FAAH2: variants seen among roughly 807,000 people sequenced by gnomAD.
The protein encoded by FAAH2 is fatty acid amide hydrolase 2.
FAAH2 carries 60 observed loss-of-function variants against 36.9 expected under a neutral mutation model. The observed-to-expected ratio is 1.63, with a 90% CI of 1.32 to 2.02. The LOEUF (loss-of-function observed/expected upper bound fraction) is 2.02. Among genes scored for constraint, FAAH2 ranks in the 30% most tolerant of loss-of-function variants. The pLI is 0.00. For synonymous variants in FAAH2, 214 were observed against 143.8 expected (o/e 1.49, Z -3.49); for missense variants, 689 against 397.5 (o/e 1.73, Z -6.23).
At chrX:57,193,998 T>A in the FAAH2 span, among the ~76,000 whole-genome samples, 1 of 111,853 alleles carries the variant, frequency 8.9e-6, no homozygotes, top group Non-Finnish European at 1.9e-5. Context: ...TTTTTAAATG[T>A]GTCTTTGTCT....
At position 57,349,129 on chromosome X, in the gene FAAH2, A is replaced by C. The variant is rs186165827; in HGVS notation, c.742+7739A>C. Reference sequence around the variant, plus strand: ...ATGTATATGTGTATAATATATACACATATATATATTATATACATATATATG... The same window carrying C: ...ATGTATATGTGTATAATATATACACCTATATATATTATATACATATATATG... On this transcript the variant is annotated intron_variant, in intron 5 of 10. Transcript: ENST00000374900. Among the ~76,000 whole-genome samples, 366 of 91,659 alleles carry C rather than the reference A, an allele frequency of 4.0e-3. 2 individuals are homozygous for C. The highest frequency in any genetic ancestry group is 0.013 in the African/African-American group (355 of 26,690). 79.6% of individuals were successfully genotyped at this position (91,659 alleles called of 115,157 possible). A position where few individuals can be genotyped will look rare whatever the true frequency, so the allele number is the denominator to read the frequency against.
At chrX:57,468,080 C>T (rs1447977792) in intron 10 of FAAH2, among the ~76,000 whole-genome samples, 1 of 111,745 alleles carries the variant, frequency 8.9e-6, no homozygotes, top group Non-Finnish European at 1.9e-5. Context: ...AGGACATCCA[C>T]ACCAAAAATC....
chrX:57,255,147 C>A, the FAAH2 span, among the ~76,000 whole-genome samples: 5 of 111,939 alleles, frequency 4.5e-5, no homozygotes, highest in Admixed American at 4.7e-4. Context: ...ACTATAAGCT[C>A]CTCTAAACAA....
chrX:57,244,943 TAA>T, the FAAH2 span, among the ~76,000 whole-genome samples: 1 of 111,249 alleles, frequency 9.0e-6, no homozygotes, highest in Non-Finnish European at 1.9e-5. Flanking sequence ...GCAAATTGGA[TAA>T]AGAGTCAAAA....
chrX:57,193,798 C>T, the FAAH2 span, among the ~76,000 whole-genome samples: 1 of 111,598 alleles, frequency 9.0e-6, no homozygotes, highest in Non-Finnish European at 1.9e-5. Flanking sequence ...AGTTTTTAAC[C>T]CTTAATTCTG....
chrX:57,303,194 G>A (rs2052428038), intron 2 of FAAH2, among the ~76,000 whole-genome samples: 1 of 111,987 alleles, frequency 8.9e-6, no homozygotes, highest in South Asian at 3.8e-4. Flanking sequence ...TGGGAGACAA[G>A]TGTTTCAGGA....
chrX:57,281,696 T>G, the FAAH2 span, among the ~76,000 whole-genome samples: 1 of 111,702 alleles, frequency 9.0e-6, no homozygotes, highest in Non-Finnish European at 1.9e-5. Flanking sequence ...AGTCAGGTAA[T>G]TTTTTGGTCC....
chrX:57,235,397 A>G, the FAAH2 span, among the ~76,000 whole-genome samples: 11 of 111,584 alleles, frequency 9.9e-5, no homozygotes, highest in African/African-American at 2.3e-4. Flanking sequence ...ATAATTTGGT[A>G]TCTTGTTGCT....
At chrX:57,380,843 T>C in intron 6 of FAAH2, 69 bp from the exon 7 acceptor site, 1 of 641,218 alleles carries the variant, frequency 1.6e-6, no homozygotes, top group East Asian at 3.5e-5. Context: ...GAAGCTCAGA[T>C]GTCAGGATTG....
At chrX:57,185,353 C>A in the FAAH2 span, among the ~76,000 whole-genome samples, 1 of 111,106 alleles carries the variant, frequency 9.0e-6, no homozygotes, top group South Asian at 3.8e-4. Context: ...CTTTCTGTGC[C>A]TGGTTTACTT....
chrX:57,194,176 C>G, the FAAH2 span, among the ~76,000 whole-genome samples: 1 of 111,225 alleles, frequency 9.0e-6, no homozygotes, highest in African/African-American at 3.3e-5. Context: ...TACTAGGGGA[C>G]TTTTTATTAA....
intron 5 of FAAH2, among the ~76,000 whole-genome samples, chrX:57,349,348 C>T (rs1398758732): frequency 4.2e-5 from 4 of 95,669 alleles, no homozygotes; most frequent in Non-Finnish European, 8.1e-5. Flanking sequence ...ATGTTTTATA[C>T]ACATATATAT....
the FAAH2 span, among the ~76,000 whole-genome samples, chrX:57,266,641 C>A: frequency 3.6e-5 from 4 of 112,488 alleles, no homozygotes; most frequent in African/African-American, 1.3e-4. Context: ...CTGTCTATCC[C>A]CATGGGTTCC....
At chrX:57,303,142 T>G (rs1332708219) in intron 2 of FAAH2, among the ~76,000 whole-genome samples, 1 of 111,702 alleles carries the variant, frequency 9.0e-6, no homozygotes, top group Non-Finnish European at 1.9e-5. Flanking sequence ...AGAACAGGAC[T>G]GGGAAGCCTG....
chrX:57,222,121 A>G, the FAAH2 span, among the ~76,000 whole-genome samples: 1 of 111,390 alleles, frequency 9.0e-6, no homozygotes, highest in African/African-American at 3.3e-5. Flanking sequence ...ACAACCGACC[A>G]CATATCCCTC....
chrX:57,448,645 A>G lies in FAAH2; in HGVS notation c.1350A>G (p.Leu450=). 8.3e-7 allele frequency: 1 copy of G among 1,211,502 alleles called. No individual in the cohort carries two copies. The highest frequency in any genetic ancestry group is 1.8e-5 in the South Asian group (1 of 56,964). ...VDMLGDDGVF[L]YPSHPTVAPK... The stretch of plus-strand genomic sequence containing the variant: ...TGCTAGGTGATGATGGTGTGTTCTT[A>G]TATCCCTCACATCCCACAGTGGCAC... The change falls in exon 10 of 11, where the codon TTA becomes TTG. Residue 450 remains leucine (L), a synonymous_variant. Coordinates refer to ENST00000374900, the MANE Select transcript of FAAH2 (RefSeq NM_174912.4).
At chrX:57,467,308 C>G (rs1358871607) in intron 10 of FAAH2, among the ~76,000 whole-genome samples, 2 of 111,035 alleles carry the variant, frequency 1.8e-5, no homozygotes, top group African/African-American at 3.3e-5. Context: ...AAGGCATCGC[C>G]TCTCCCAGGA....
chrX:57,403,603 G>A (rs762500651), intron 7 of FAAH2, among the ~76,000 whole-genome samples: 4 of 112,880 alleles, frequency 3.5e-5, no homozygotes, highest in Non-Finnish European at 3.7e-5. Context: ...GATTGAGATA[G>A]AGTTTTTTGA....
intron 2 of FAAH2, among the ~76,000 whole-genome samples, chrX:57,303,306 G>T (rs1349344454): frequency 9.0e-6 from 1 of 111,622 alleles, no homozygotes; most frequent in Non-Finnish European, 1.9e-5. Flanking sequence ...TCTTCTCATT[G>T]TTTTTCTGAT....
Sources: allele counts gnomAD v4.1 joint callset (sites outside exome capture counted in the v4.1 genomes callset), GRCh38; gene constraint gnomAD v4.1.1; transcripts MANE v1.5; gene names NCBI Gene and HGNC (gene_info 2026-07-23, HGNC 2026-07-21).